Variants in NEBL observed in about 807,000 individuals in gnomAD.
The protein encoded by NEBL is LIM and SH3 protein 2.
In NEBL, 122 loss-of-function variants were observed where a neutral mutation model predicts 140.2. The ratio of observed to expected loss-of-function variants is 0.87; its 90% CI spans 0.75 to 1.01. The LOEUF (loss-of-function observed/expected upper bound fraction) is 1.01, where lower values mean the gene tolerates loss of function less well. Ranked by LOEUF, NEBL falls within the 50% of genes least tolerant of loss-of-function variation. The pLI, the probability that NEBL is intolerant of heterozygous loss-of-function variation, is 0.00. For missense variants in NEBL, 1,365 were observed against 1,231.3 expected (o/e 1.11, Z -1.62); for synonymous variants, 436 against 398.9 (o/e 1.09, Z -1.11).
rs1195804166 is a variant in NEBL at position 21,173,953 on chromosome 10, C to A, written c.-120G>T. 7.3e-7 allele frequency: 1 copy of A among 1,378,402 alleles called. No homozygotes were observed. The highest frequency in any genetic ancestry group is 9.3e-7 in the Non-Finnish European group (1 of 1,077,444). 85.4% of individuals were successfully genotyped at this position (1,378,402 alleles called of 1,614,324 possible). On this transcript the variant is annotated 5_prime_UTR_variant, in exon 1 of 7. Transcript: ENST00000417816. This position sits in a 1 kb window ranked among gnomAD's most constrained non-coding sequence, Gnocchi z 5.7. ...GCGGGAGGGCTGCGGGCGGCGGGCG[C>A]CGGGTAGGGAGTCGGCGCCGGGCCA...
intron 1 of NEBL, among the ~76,000 whole-genome samples, chr10:21,279,440 C>T (rs1304393606): frequency 6.6e-6 from 1 of 151,846 alleles, no homozygotes; most frequent in African/African-American, 2.4e-5. Flanking sequence ...GGATTACAGG[C>T]CACCATGCCT....
intron 2 of NEBL, among the ~76,000 whole-genome samples, chr10:21,141,962 A>G (rs1346850825): frequency 6.6e-6 from 1 of 152,182 alleles, no homozygotes; most frequent in African/African-American, 2.4e-5. Context: ...TCCTCTTGAC[A>G]TAATACTATA....
At chr10:21,212,967 A>G (rs1841940264) in intron 3 of NEBL, among the ~76,000 whole-genome samples, 1 of 152,158 alleles carries the variant, frequency 6.6e-6, no homozygotes, top group African/African-American at 2.4e-5. Context: ...TTCATGGTGC[A>G]GAGCTACACG....
intron 26 of NEBL, among the ~76,000 whole-genome samples, chr10:20,800,302 C>G (rs545582291): frequency 1.3e-5 from 2 of 152,110 alleles, no homozygotes; most frequent in Admixed American, 6.5e-5. Flanking sequence ...ATGGCAGGGT[C>G]TCCTTTTTAA....
chr10:21,097,412 T>C (rs911647258), intron 2 of NEBL, among the ~76,000 whole-genome samples: 3 of 151,324 alleles, frequency 2.0e-5, no homozygotes, highest in African/African-American at 7.3e-5. Context: ...TGAGCCGAGA[T>C]CACACCATTG....
intron 2 of NEBL, among the ~76,000 whole-genome samples, chr10:21,071,827 T>C (rs752288976): frequency 1.3e-5 from 2 of 152,084 alleles, no homozygotes; most frequent in Non-Finnish European, 2.9e-5. Context: ...TTTGATTTTG[T>C]CTTTTTTTTG....
intron 2 of NEBL, among the ~76,000 whole-genome samples, chr10:20,890,817 T>C (rs1846967229): frequency 6.6e-6 from 1 of 152,236 alleles, no homozygotes; most frequent in Non-Finnish European, 1.5e-5. Flanking sequence ...ATAATCACAC[T>C]GTCACACTAA....
rs755540780 is a variant in NEBL at position 20,826,444 on chromosome 10, T to TA, written c.1869+2dup. ...AAGATAATTAATGCTGTAGAGAACT[T>TA]ACTGAACTAATATTCTGCTGATTTT... On this transcript the variant is annotated splice_region_variant and intron_variant, in intron 18 of 27. Coordinates refer to ENST00000377122, the MANE Select transcript of NEBL (RefSeq NM_006393.3). The TA allele has an allele frequency of 1.2e-6, 2 of 1,603,266 alleles. No homozygotes were observed. The highest frequency in any genetic ancestry group is 3.3e-4 in the Middle Eastern group (2 of 6,026).
chr10:20,921,664 T>C (rs1275783270), intron 4 of NEBL, among the ~76,000 whole-genome samples: 1 of 152,090 alleles, frequency 6.6e-6, no homozygotes, highest in East Asian at 1.9e-4. Context: ...CTCTGCAAAC[T>C]CTCTTTATTT....
intron 26 of NEBL, among the ~76,000 whole-genome samples, chr10:20,789,916 T>C (rs1835791133): frequency 1.3e-5 from 2 of 150,570 alleles, no homozygotes; most frequent in African/African-American, 4.9e-5. Flanking sequence ...TATGTATATA[T>C]ATATGTGTGT....
At chr10:21,026,600 C>T (rs996972379) in intron 2 of NEBL, among the ~76,000 whole-genome samples, 2 of 152,206 alleles carry the variant, frequency 1.3e-5, no homozygotes, top group Admixed American at 6.5e-5. Flanking sequence ...CCTTCTCTGG[C>T]TTTCCGTTTA....
At chr10:20,911,440 C>G (rs569275528) in intron 4 of NEBL, among the ~76,000 whole-genome samples, 6 of 152,082 alleles carry the variant, frequency 3.9e-5, no homozygotes, top group Non-Finnish European at 8.8e-5. Context: ...TTAAAACTCT[C>G]TTTGTATTAT....
chr10:21,154,477 G>A (rs1487380246), intron 2 of NEBL, among the ~76,000 whole-genome samples: 2 of 136,774 alleles, frequency 1.5e-5, no homozygotes. Context: ...AAAAAAAAGT[G>A]AGCCACAATG....
chr10:21,159,048 CTG>C (rs1270448714), intron 2 of NEBL, among the ~76,000 whole-genome samples: 2 of 152,210 alleles, frequency 1.3e-5, no homozygotes, highest in African/African-American at 4.8e-5. Flanking sequence ...ATCTTTTAAA[CTG>C]TGTGTTAGGC....
chr10:21,209,126 T>A (rs1786951152), intron 3 of NEBL, among the ~76,000 whole-genome samples: 1 of 152,188 alleles, frequency 6.6e-6, no homozygotes, highest in South Asian at 2.1e-4. Flanking sequence ...CCAGGTATTC[T>A]GCCCAAATTC....
chr10:20,827,769 G>T (rs1840018996), intron 17 of NEBL, among the ~76,000 whole-genome samples: 1 of 152,158 alleles, frequency 6.6e-6, no homozygotes, highest in African/African-American at 2.4e-5. Context: ...CATGGCCTTT[G>T]CAGGGACATG....
intron 5 of NEBL, among the ~76,000 whole-genome samples, chr10:20,870,905 G>A (rs1269684480): frequency 6.6e-6 from 1 of 152,214 alleles, no homozygotes; most frequent in African/African-American, 2.4e-5. Flanking sequence ...TGGAAAGAGA[G>A]ACAAAAATTG....
chr10:20,926,785 G>C (rs1328080452), intron 4 of NEBL, among the ~76,000 whole-genome samples: 2 of 152,218 alleles, frequency 1.3e-5, no homozygotes, highest in Admixed American at 1.3e-4. Context: ...TTTGCTAACA[G>C]TATTCAGGAG....
intron 3 of NEBL, among the ~76,000 whole-genome samples, chr10:21,214,559 A>G (rs1229873433): frequency 6.6e-6 from 1 of 150,922 alleles, no homozygotes; most frequent in African/African-American, 2.4e-5. Context: ...ACACATGTGC[A>G]CACATTACAC....
Sources: gnomAD v4.1 joint callset for allele counts (sites outside exome capture counted in the v4.1 genomes callset) on GRCh38, gnomAD v4.1.1 for gene constraint, Gnocchi (gnomAD v3.1) non-coding constraint, MANE v1.5 for transcripts, NCBI Gene and HGNC (gene_info 2026-07-23, HGNC 2026-07-21) for gene names.